SQLE: variants seen among roughly 807,000 people sequenced by gnomAD.
SQLE encodes squalene monooxygenase.
In SQLE, 29 loss-of-function variants were observed where a neutral mutation model predicts 60.7. The observed-to-expected ratio is 0.48, with a 90% confidence interval of 0.36 to 0.65. The LOEUF is 0.65. SQLE is among the 30% of genes least tolerant of loss of function. The probability of loss-of-function intolerance (pLI) is 0.00; values close to 1 mark genes in which losing one functional copy is unlikely to be tolerated. For missense variants in SQLE, 605 were observed against 684.1 expected, an observed-to-expected ratio of 0.88 and a Z score of 1.29; for synonymous variants, 237 against 246.8, an observed-to-expected ratio of 0.96 and a Z score of 0.37.
chr8:125,009,320 A>G lies in SQLE; in HGVS notation c.1085A>G (p.Glu362Gly), dbSNP rs756365939. The G allele has an allele frequency of 2.6e-5, 42 of 1,611,938 alleles. No homozygotes were observed. Among genetic ancestry groups the G allele is most frequent in the Non-Finnish European group, 3.6e-5 (42 of 1,179,362 alleles). ...AGGAATTTAAGAGAATACATGGTTG[A>G]AAAAATTTACCCACAAATACCTGGT... ...MPRNLREYMVEKIYPQIPDHL... is the reference protein window; with the variant it reads ...MPRNLREYMVGKIYPQIPDHL... The change falls in exon 6 of 11, where the codon GAA becomes GGA. Residue 362 changes from glutamate (E) to glycine (G), a missense_variant. By Grantham distance (98) the Glu-to-Gly change is moderately conservative (BLOSUM62 -2). Coordinates refer to ENST00000265896, the MANE Select transcript of SQLE (RefSeq NM_003129.4).
In SQLE at chr8:124,999,326, C is replaced by T. The variant is rs1814801862; in HGVS notation, c.-78C>T. 1.4e-6 allele frequency: 2 copies of T among 1,385,452 alleles called. No individual in the cohort carries two copies. Among genetic ancestry groups the T allele is most frequent in the African/African-American group, 1.5e-5 (1 of 67,970 alleles). 85.8% of individuals were successfully genotyped at this position (1,385,452 alleles called of 1,614,324 possible). A position where few individuals can be genotyped will look rare whatever the true frequency, so the allele number is the denominator to read the frequency against. On this transcript the variant is annotated 5_prime_UTR_variant, in exon 1 of 11. Coordinates refer to ENST00000265896, the MANE Select transcript of SQLE (RefSeq NM_003129.4). ...GCTCTCCGTGCTCCTCTTGGTACCT[C>T]ATTTTGGGGAGAACCTTAAACCCAC...
chr8:125,019,757 A>T (rs1815172320), intron 9 of SQLE, among the ~76,000 whole-genome samples: 1 of 152,170 alleles, frequency 6.6e-6, no homozygotes, highest in African/African-American at 2.4e-5. Context: ...TATTTGTATG[A>T]TCTGGCTGAG....
intron 6 of SQLE, among the ~76,000 whole-genome samples, chr8:125,009,718 G>T (rs1008915702): frequency 8.6e-5 from 13 of 151,898 alleles, no homozygotes; most frequent in African/African-American, 3.1e-4. Flanking sequence ...TCGCTTGAAC[G>T]GGAGGCAGAG....
intron 7 of SQLE, among the ~76,000 whole-genome samples, chr8:125,015,633 C>T (rs1012940172): frequency 6.6e-6 from 1 of 152,102 alleles, no homozygotes; most frequent in Non-Finnish European, 1.5e-5. Flanking sequence ...ATTCCACAAA[C>T]GAGCAGAGAA....
rs1337304174 is a variant in SQLE at position 124,998,626 on chromosome 8, C to A, written c.-778C>A. ...TGCTGGTGAGGAAGCCGTCGGGAGC[C>A]GCCGCCGCCATCTGAGGGAGGTACC... is the stretch of plus-strand genomic sequence containing the variant. On this transcript the variant is annotated 5_prime_UTR_variant, in exon 1 of 11. Transcript: ENST00000265896. The A allele has an allele frequency of 4.4e-6, 3 of 681,514 alleles. No individual in the cohort carries two copies. Among genetic ancestry groups the A allele is most frequent in the Non-Finnish European group, 8.0e-6 (3 of 374,964 alleles). 42.2% of individuals were successfully genotyped at this position (681,514 alleles called of 1,614,324 possible). A position where few individuals can be genotyped will look rare whatever the true frequency, so the allele number is the denominator to read the frequency against.
rs569231660 is a variant in SQLE at position 125,009,117 on chromosome 8, A to G, written c.936+33A>G. 7.1e-5 allele frequency: 112 copies of G among 1,569,096 alleles called. 1 individual carries two copies. The South Asian group carries it at 1.3e-3, about 18-fold the overall frequency. On this transcript the variant is annotated intron_variant, in intron 5 of 10. Transcript: ENST00000265896. Reference sequence around the variant, plus strand: ...AGGAGTGTGTTATTGTAATTTCAATAAAAGAAACTTGAAATTTGAAAATTA... The same window carrying G: ...AGGAGTGTGTTATTGTAATTTCAATGAAAGAAACTTGAAATTTGAAAATTA...
At position 125,016,130 on chromosome 8, in the gene SQLE, C is replaced by T. The variant is rs1815108543; in HGVS notation, c.1205-1929C>T. ...CTTGGTGTTCTGTAGCTTTCTTGTG[C>T]TTGAATATTGATATCTTTCTCTAGA... On this transcript the variant is annotated intron_variant, in intron 7 of 10. Coordinates refer to ENST00000265896, the MANE Select transcript of SQLE (RefSeq NM_003129.4). This position sits in a 1 kb window ranked among gnomAD's most constrained non-coding sequence, Gnocchi z 4.1. Among the ~76,000 whole-genome samples the T allele has an allele frequency of 6.6e-6, 1 of 152,034 alleles. No homozygotes were observed. The highest frequency in any genetic ancestry group is 2.4e-5 in the African/African-American group (1 of 41,396).
intron 7 of SQLE, among the ~76,000 whole-genome samples, chr8:125,013,541 C>T (rs1183808996): frequency 6.6e-6 from 1 of 151,722 alleles, no homozygotes; most frequent in Non-Finnish European, 1.5e-5. Flanking sequence ...TTAGTAGAGA[C>T]GGGGTTTCGC....
Position 124,998,574 on chromosome 8 carries a change from C to T in SQLE, c.-830C>T. The T allele has an allele frequency of 1.5e-6, 1 of 685,552 alleles. No individual in the cohort carries two copies. Among genetic ancestry groups the T allele is most frequent in the East Asian group, 2.9e-5 (1 of 34,992 alleles). The allele number at this position is 685,552 out of a possible 1,614,324, so 42.5% of individuals were successfully genotyped here. A position where few individuals can be genotyped will look rare whatever the true frequency, so the allele number is the denominator to read the frequency against. On this transcript the variant is annotated 5_prime_UTR_variant, in exon 1 of 11. Coordinates refer to ENST00000265896, the MANE Select transcript of SQLE (RefSeq NM_003129.4). ...CTCTGGTTACTGGGGCCGCGCCGCG[C>T]TGGCGAGAGCCGCCGCCCGCGAGGG...
chr8:125,018,577 C>A, intron 8 of SQLE, 54 bp from the exon 9 acceptor site: 1 of 1,155,190 alleles, frequency 8.7e-7, no homozygotes, highest in Non-Finnish European at 1.2e-6. Context: ...TTATAAACAT[C>A]AGTTTGTGCT....
intron 9 of SQLE, 167 bp downstream of exon 9, chr8:125,018,894 T>C (rs1815154082): frequency 8.7e-6 from 5 of 572,292 alleles, no homozygotes; most frequent in Non-Finnish European, 1.5e-5. Flanking sequence ...GTTGTAGTTT[T>C]AGTTTTAGTT....
chr8:125,005,310 AT>A (rs2129878671), intron 2 of SQLE, among the ~76,000 whole-genome samples: 1 of 152,242 alleles, frequency 6.6e-6, no homozygotes, highest in East Asian at 1.9e-4. Context: ...TGAAATAGTT[AT>A]GTTGTTATCT....
intron 2 of SQLE, among the ~76,000 whole-genome samples, 189 bp downstream of exon 2, chr8:125,003,617 A>G (rs1200686278): frequency 6.6e-6 from 1 of 152,174 alleles, no homozygotes; most frequent in Admixed American, 6.5e-5. Flanking sequence ...GTATGATTAG[A>G]TGTGAATTAG....
intron 3 of SQLE, among the ~76,000 whole-genome samples, chr8:125,006,830 G>A (rs1234168152): frequency 6.6e-6 from 1 of 151,056 alleles, no homozygotes; most frequent in African/African-American, 2.4e-5. Context: ...TCAGCCTCCC[G>A]AGTAGCTGGG....
At chr8:125,005,426 C>A in intron 2 of SQLE, 99 bp from the exon 3 acceptor site, 1 of 1,087,874 alleles carries the variant, frequency 9.2e-7, no homozygotes, top group East Asian at 2.7e-5. Context: ...GATTTGAAGG[C>A]AGAGACTCAT....
Position 125,003,169 on chromosome 8 carries a change from TAAACAG to T in SQLE, c.292-6_292-1del. 1.9e-6 allele frequency: 3 copies of T among 1,576,410 alleles called. No homozygotes were observed. The highest frequency in any genetic ancestry group is 2.6e-6 in the Non-Finnish European group (3 of 1,164,134). ...GATACCTAGTTTACCTTTTTTTTTT[TAAACAG>T]CGCAGAAAAGGAACCAATATTTCAG... On this transcript the variant is annotated splice_acceptor_variant and splice_polypyrimidine_tract_variant and intron_variant, in intron 1 of 10. Transcript: ENST00000265896. LOFTEE classifies it high-confidence loss of function.
Position 125,003,353 on chromosome 8 carries a change from A to C in SQLE, c.469A>C (p.Lys157Gln). The C allele has an allele frequency of 6.2e-7, 1 of 1,613,982 alleles. No homozygotes were observed. The highest frequency in any genetic ancestry group is 8.5e-7 in the Non-Finnish European group (1 of 1,179,890). ...GGTGACAGTCATTGAGAGAGACTTAAAAGAGCCTGACAGAATAGTTGGAGA... is the reference window on the plus strand; with the variant it reads ...GGTGACAGTCATTGAGAGAGACTTACAAGAGCCTGACAGAATAGTTGGAGA... ...RKVTVIERDL[K>Q]EPDRIVGEFL... The change falls in exon 2 of 11, where the codon AAA becomes CAA. Residue 157 changes from lysine to glutamine, a missense_variant. Lys to Gln is a moderately conservative substitution (Grantham distance 53). Transcript: ENST00000265896.
At chr8:125,017,908 C>T (rs1815135330) in intron 7 of SQLE, 151 bp from the exon 8 acceptor site, 1 of 942,592 alleles carries the variant, frequency 1.1e-6, no homozygotes, top group African/African-American at 1.7e-5. Flanking sequence ...GAATTTTTGC[C>T]TCAGCAAATT....
chr8:125,013,316 A>C (rs937843131), intron 7 of SQLE, among the ~76,000 whole-genome samples: 2 of 150,876 alleles, frequency 1.3e-5, no homozygotes, highest in Non-Finnish European at 3.0e-5. Flanking sequence ...GGCTTTGTCC[A>C]ATCTAAGTTC....
Sources: gnomAD v4.1 joint callset for allele counts (sites outside exome capture counted in the v4.1 genomes callset) on GRCh38, gnomAD v4.1.1 for gene constraint, Gnocchi (gnomAD v3.1) non-coding constraint, MANE v1.5 for transcripts, NCBI Gene and HGNC (gene_info 2026-07-23, HGNC 2026-07-21) for gene names.